The following PRIM2 variants were observed in gnomAD, a reference collection of about 807,000 sequenced individuals.
PRIM2 encodes DNA primase large subunit.
PRIM2 carries 39 observed loss-of-function variants against 67.3 expected under a neutral mutation model. The observed-to-expected ratio is 0.58, with a 90% CI of 0.45 to 0.76. The LOEUF (loss-of-function observed/expected upper bound fraction) is 0.76. PRIM2 is among the 30% of genes least tolerant of loss of function. PRIM2 has a pLI of 0.00. For synonymous variants in PRIM2, 143 were observed against 198.7 expected, an observed-to-expected ratio of 0.72 and a Z score of 2.36; for missense variants, 398 against 598.7, an observed-to-expected ratio of 0.66 and a Z score of 3.50.
chr6:57,334,978 CAG>C (rs1422057294), intron 5 of PRIM2, among the ~76,000 whole-genome samples: 1 of 127,354 alleles, frequency 7.9e-6, no homozygotes, highest in East Asian at 2.4e-4. Flanking sequence ...GAGTGCCAGA[CAG>C]TGGGCGCAGG....
chr6:57,297,782 A>T, the PRIM2 span, among the ~76,000 whole-genome samples: 1 of 152,216 alleles, frequency 6.6e-6, no homozygotes, highest in Non-Finnish European at 1.5e-5. Flanking sequence ...AAAAATGCAC[A>T]GTCTGAATTT....
intron 7 of PRIM2, among the ~76,000 whole-genome samples, chr6:57,430,342 C>A (rs1771775579): frequency 6.6e-6 from 1 of 151,760 alleles, no homozygotes; most frequent in Non-Finnish European, 1.5e-5. Flanking sequence ...TAGTAAAAAA[C>A]CAGAATCCAG....
the PRIM2 span, among the ~76,000 whole-genome samples, chr6:57,299,986 G>A: frequency 6.6e-6 from 1 of 152,192 alleles, no homozygotes; most frequent in African/African-American, 2.4e-5. Flanking sequence ...TTCTTTGTCT[G>A]CTAAAACCTG....
chr6:57,629,600 A>G (rs1777008984), intron 12 of PRIM2, among the ~76,000 whole-genome samples: 1 of 152,116 alleles, frequency 6.6e-6, no homozygotes, highest in African/African-American at 2.4e-5. Context: ...AAATCTGACC[A>G]CTTACCATCG....
the PRIM2 span, among the ~76,000 whole-genome samples, chr6:57,269,439 G>T: frequency 2.0e-5 from 3 of 152,240 alleles, no homozygotes; most frequent in East Asian, 5.8e-4. Context: ...CTTCTTTTGA[G>T]AAGTGTCTGT....
chr6:57,623,590 T>A (rs1231996053), intron 12 of PRIM2, among the ~76,000 whole-genome samples: 2 of 152,158 alleles, frequency 1.3e-5, no homozygotes, highest in Non-Finnish European at 2.9e-5. Context: ...CTTGGGATAT[T>A]TTTGTAAAGT....
At chr6:57,643,588 C>T in intron 13 of PRIM2, among the ~76,000 whole-genome samples, 1 of 152,216 alleles carries the variant, frequency 6.6e-6, no homozygotes, top group South Asian at 2.1e-4. Flanking sequence ...ATGTATTAGA[C>T]AATAAACATA....
the PRIM2 span, among the ~76,000 whole-genome samples, chr6:57,278,663 GT>G: frequency 2.7e-4 from 40 of 149,214 alleles, no homozygotes; most frequent in South Asian, 3.4e-3. Flanking sequence ...GACACAATGT[GT>G]TTTTTTTTTC....
At chr6:57,622,245 A>G (rs1427196850) in intron 12 of PRIM2, among the ~76,000 whole-genome samples, 1 of 152,226 alleles carries the variant, frequency 6.6e-6, no homozygotes, top group Non-Finnish European at 1.5e-5. Flanking sequence ...TTTTAGATAT[A>G]TTTCTTTGAA....
chr6:57,326,973 G>A (rs562030268), intron 5 of PRIM2, among the ~76,000 whole-genome samples: 4 of 144,914 alleles, frequency 2.8e-5, no homozygotes, highest in Admixed American at 7.2e-5. Context: ...GCCTGATCTC[G>A]GCTCACTGCA....
the PRIM2 span, among the ~76,000 whole-genome samples, chr6:57,260,469 A>G: frequency 8.5e-5 from 13 of 152,194 alleles, no homozygotes; most frequent in Admixed American, 7.8e-4. Flanking sequence ...AATAACATTG[A>G]TTTTTCTATG....
chr6:57,459,964 G>A (rs62399155), intron 7 of PRIM2, among the ~76,000 whole-genome samples: 1 of 152,288 alleles, frequency 6.6e-6, no homozygotes, highest in South Asian at 2.1e-4. Flanking sequence ...AGAAGAGGGT[G>A]TGAGGGGCAC....
At chr6:57,426,454 A>G (rs1192450685) in intron 7 of PRIM2, among the ~76,000 whole-genome samples, 1 of 152,198 alleles carries the variant, frequency 6.6e-6, no homozygotes, top group East Asian at 1.9e-4. Flanking sequence ...CAAGAATCCC[A>G]AAGTGAGGAA....
intron 10 of PRIM2, among the ~76,000 whole-genome samples, chr6:57,566,910 C>A (rs1224011310): frequency 3.9e-5 from 6 of 152,178 alleles, no homozygotes; most frequent in Admixed American, 6.5e-5. Flanking sequence ...TTGGCAGTTT[C>A]CTTAACCTTT....
At chr6:57,529,149 A>G (rs1465026402) in intron 8 of PRIM2, among the ~76,000 whole-genome samples, 1 of 152,118 alleles carries the variant, frequency 6.6e-6, no homozygotes, top group Non-Finnish European at 1.5e-5. Flanking sequence ...TCACTACTCA[A>G]AAATACAAAA....
At chr6:57,631,261 A>T (rs1352212928) in intron 12 of PRIM2, among the ~76,000 whole-genome samples, 7 of 152,286 alleles carry the variant, frequency 4.6e-5, no homozygotes, top group African/African-American at 1.7e-4. Flanking sequence ...ATAGAAATTA[A>T]CATTTCTCCA....
intron 10 of PRIM2, among the ~76,000 whole-genome samples, chr6:57,596,885 C>T (rs1360721319): frequency 4.6e-5 from 7 of 152,248 alleles, no homozygotes; most frequent in Non-Finnish European, 1.0e-4. Flanking sequence ...TCCAGAAGAA[C>T]AAAATAGCAC....
chr6:57,332,336 A>G (rs1768080192), intron 5 of PRIM2, among the ~76,000 whole-genome samples: 1 of 152,090 alleles, frequency 6.6e-6, no homozygotes, highest in Admixed American at 6.5e-5. Flanking sequence ...AAGAATGTGT[A>G]TCTGCTATTC....
At chr6:57,417,023 A>G (rs540320879) in intron 7 of PRIM2, among the ~76,000 whole-genome samples, 1 of 151,340 alleles carries the variant, frequency 6.6e-6, no homozygotes, top group Admixed American at 6.6e-5. Context: ...CTGGAGTGCA[A>G]TGGCGCATTT....
Sources: allele counts gnomAD v4.1 joint callset (sites outside exome capture counted in the v4.1 genomes callset), GRCh38; gene constraint gnomAD v4.1.1; transcripts MANE v1.5; gene names NCBI Gene and HGNC (gene_info 2026-07-23, HGNC 2026-07-21).